ACER3: variants seen among roughly 807,000 people sequenced by gnomAD.
The protein encoded by ACER3 is alkaline ceramidase 3.
In ACER3, 16 loss-of-function variants were observed where a neutral mutation model predicts 48.9. The ratio of observed to expected loss-of-function variants is 0.33; its 90% confidence interval spans 0.22 to 0.50. The LOEUF (loss-of-function observed/expected upper bound fraction) is 0.50. Among genes scored for constraint, ACER3 ranks in the 20% least tolerant of loss-of-function variants. ACER3 has a pLI of 0.98. For missense variants in ACER3, 227 were observed against 326.0 expected, an observed-to-expected ratio of 0.70 and a Z score of 2.34; for synonymous variants, 109 against 107.8, an observed-to-expected ratio of 1.01 and a Z score of -0.07.
intron 3 of ACER3, among the ~76,000 whole-genome samples, chr11:76,962,298 C>G (rs1198598930): frequency 6.8e-6 from 1 of 147,794 alleles, no homozygotes; most frequent in Non-Finnish European, 1.5e-5. Context: ...CGGCTCACTG[C>G]AACCTCTGCC....
chr11:76,874,090 A>G (rs892901145), intron 1 of ACER3, among the ~76,000 whole-genome samples: 1 of 152,174 alleles, frequency 6.6e-6, no homozygotes, highest in African/African-American at 2.4e-5. Flanking sequence ...GGGACAGTAA[A>G]AGCATTTTAT....
intron 1 of ACER3, among the ~76,000 whole-genome samples, chr11:76,921,187 C>CT (rs1234913994): frequency 1.3e-5 from 2 of 152,036 alleles, no homozygotes; most frequent in African/African-American, 4.8e-5. Flanking sequence ...TCATGTCCTA[C>CT]TGAAAAAAAT....
intron 2 of ACER3, among the ~76,000 whole-genome samples, chr11:76,950,897 G>C (rs867291380): frequency 3.9e-5 from 6 of 152,130 alleles, no homozygotes; most frequent in South Asian, 2.1e-4. Flanking sequence ...GTCTTTTCCT[G>C]AATTTACTAA....
chr11:76,897,547 T>TAA (rs36120118), intron 1 of ACER3, among the ~76,000 whole-genome samples: 4 of 151,520 alleles, frequency 2.6e-5, no homozygotes, highest in Non-Finnish European at 4.4e-5. Flanking sequence ...TATGTAATAT[T>TAA]AAAAAAAAAC....
intron 3 of ACER3, among the ~76,000 whole-genome samples, chr11:76,969,686 A>G (rs1349063385): frequency 6.6e-6 from 1 of 151,290 alleles, no homozygotes; most frequent in Admixed American, 6.6e-5. Flanking sequence ...TCAGCAAACT[A>G]TCACAAGGAC....
At chr11:76,891,014 G>A (rs932348053) in intron 1 of ACER3, among the ~76,000 whole-genome samples, 1 of 151,918 alleles carries the variant, frequency 6.6e-6, no homozygotes, top group Admixed American at 6.6e-5. Context: ...AGCTACTCTG[G>A]AGGCTGAGGC....
intron 3 of ACER3, among the ~76,000 whole-genome samples, chr11:76,960,292 C>G (rs540168030): frequency 1.3e-5 from 2 of 151,852 alleles, no homozygotes; most frequent in Non-Finnish European, 1.5e-5. Context: ...ACCTGTAATC[C>G]CAGCTACCCG....
intron 9 of ACER3, among the ~76,000 whole-genome samples, chr11:77,018,315 A>T (rs531984066): frequency 6.6e-6 from 1 of 152,306 alleles, no homozygotes; most frequent in African/African-American, 2.4e-5. Flanking sequence ...AAGACGGTGA[A>T]CTTAATAAAT....
At chr11:76,961,235 C>G (rs1947986982) in intron 3 of ACER3, among the ~76,000 whole-genome samples, 1 of 152,080 alleles carries the variant, frequency 6.6e-6, no homozygotes, top group Admixed American at 6.5e-5. Context: ...AAGATGAAAA[C>G]TAGAATGAGC....
intron 1 of ACER3, among the ~76,000 whole-genome samples, chr11:76,901,576 C>T (rs748110165): frequency 3.9e-5 from 6 of 152,168 alleles, no homozygotes; most frequent in Admixed American, 2.0e-4. Context: ...GTTTATTCTG[C>T]CAGGGGCATC....
At chr11:76,985,004 C>G (rs890646943) in intron 4 of ACER3, among the ~76,000 whole-genome samples, 61 of 152,142 alleles carry the variant, frequency 4.0e-4, no homozygotes, top group African/African-American at 1.3e-3. Context: ...CTCCACATGG[C>G]TTCGCCTCTT....
chr11:76,947,052 G>A (rs1590972588), intron 2 of ACER3, among the ~76,000 whole-genome samples: 1 of 152,156 alleles, frequency 6.6e-6, no homozygotes, highest in African/African-American at 2.4e-5. Context: ...CACTTTTGGT[G>A]CATCTTGTCA....
rs557561370 is a variant in ACER3, at chr11:76,889,280, G to T, written c.103+28201G>T. Among the ~76,000 whole-genome samples, 327 of 148,654 alleles carry T rather than the reference G, an allele frequency of 2.2e-3. 3 individuals are homozygous for T. Among genetic ancestry groups the T allele is most frequent in the Middle Eastern group, 0.014 (4 of 288 alleles). On this transcript the variant is annotated intron_variant, in intron 1 of 10. Transcript: ENST00000532485. The stretch of plus-strand genomic sequence containing the variant: ...TGTATTAGTTTTCAGTTGCCTCTTG[G>T]TTTTTTTTTTCCTTTTAAGAAGTAC...
At chr11:77,016,577 T>C (rs1591073174) in intron 8 of ACER3, 98 bp from the exon 9 acceptor site, 1 of 596,354 alleles carries the variant, frequency 1.7e-6, no homozygotes, top group South Asian at 2.7e-5. Context: ...AAATAACTGC[T>C]GTTTTGAGAA....
At chr11:76,897,203 C>G (rs1055370265) in intron 1 of ACER3, among the ~76,000 whole-genome samples, 6 of 152,084 alleles carry the variant, frequency 3.9e-5, no homozygotes, top group African/African-American at 1.4e-4. Context: ...GTGATCTGCC[C>G]GTTTCAGCCA....
intron 4 of ACER3, among the ~76,000 whole-genome samples, chr11:76,984,281 A>T (rs985497352): frequency 1.3e-5 from 2 of 152,230 alleles, no homozygotes; most frequent in African/African-American, 4.8e-5. Context: ...TAATAAATAC[A>T]AGCCAGGCCT....
At chr11:76,929,623 T>G (rs935153764) in intron 2 of ACER3, among the ~76,000 whole-genome samples, 3 of 152,238 alleles carry the variant, frequency 2.0e-5, no homozygotes, top group African/African-American at 7.2e-5. Flanking sequence ...CTTATTATTT[T>G]GAGATATGTC....
intron 7 of ACER3, among the ~76,000 whole-genome samples, chr11:77,013,965 A>G (rs1317963227): frequency 1.3e-5 from 2 of 152,224 alleles, no homozygotes; most frequent in Non-Finnish European, 2.9e-5. Context: ...CTATACAATC[A>G]GGGGTATATA....
At chr11:76,941,432 T>C (rs1947340129) in intron 2 of ACER3, among the ~76,000 whole-genome samples, 1 of 152,164 alleles carries the variant, frequency 6.6e-6, no homozygotes, top group Non-Finnish European at 1.5e-5. Context: ...TCATTGGAGC[T>C]TATAGTCTAG....
Sources: allele counts gnomAD v4.1 joint callset (sites outside exome capture counted in the v4.1 genomes callset), GRCh38; gene constraint gnomAD v4.1.1; transcripts MANE v1.5; gene names NCBI Gene and HGNC (gene_info 2026-07-23, HGNC 2026-07-21).